The following XRN2 variants were observed in gnomAD, a reference collection of about 807,000 sequenced individuals.
XRN2 encodes the protein DHM1-like protein.
Under a neutral mutation model 138.5 loss-of-function variants are expected in XRN2, and 44 were observed. That is an observed-to-expected ratio of 0.32 (90% CI 0.25 to 0.41). The LOEUF (loss-of-function observed/expected upper bound fraction) is 0.41, where lower values mean the gene tolerates loss of function less well. XRN2 is among the 10% of genes least tolerant of loss of function. The pLI is 1.00. For synonymous variants in XRN2, 354 were observed against 369.4 expected (o/e 0.96, Z 0.48); for missense variants, 937 against 1,169.3 (o/e 0.80, Z 2.90).
intron 1 of XRN2, among the ~76,000 whole-genome samples, chr20:21,304,185 C>T (rs2037782001): frequency 6.6e-6 from 1 of 152,112 alleles, no homozygotes; most frequent in African/African-American, 2.4e-5. Flanking sequence ...GATTTTTGGC[C>T]ATTATTGAGT....
chr20:21,389,376 A>C lies in XRN2; in HGVS notation c.*38A>C, dbSNP rs1309858321. ...CTTTCCCAAATCCTTTCATCATTCT[A>C]CAGTTTTATGCTATTTGTGGAAAGA... is the stretch of plus-strand genomic sequence containing the variant. On this transcript the variant is annotated 3_prime_UTR_variant, in exon 30 of 30. Transcript: ENST00000377191. 1.7e-5 allele frequency: 27 copies of C among 1,578,694 alleles called. No homozygotes were observed. The highest frequency in any genetic ancestry group is 2.2e-5 in the Non-Finnish European group (26 of 1,156,586).
intron 1 of XRN2, among the ~76,000 whole-genome samples, chr20:21,325,285 C>A (rs113426872): frequency 6.6e-6 from 1 of 152,134 alleles, no homozygotes. Context: ...TAATCTCTTG[C>A]TGAGGCTCTG....
rs994996193 is a variant in XRN2 at position 21,363,723 on chromosome 20, T to C, written c.2256-1698T>C. Among the ~76,000 whole-genome samples, 4 of 152,238 alleles carry C rather than the reference T, an allele frequency of 2.6e-5. No individual in the cohort carries two copies. The South Asian group carries it at 6.2e-4, about 24-fold the overall frequency. On this transcript the variant is annotated intron_variant, in intron 24 of 29. Transcript: ENST00000377191. ...TGGCAGTATTCAGAAAGAAAACTGCTGTCTAAAAATGTCAACCAGGTCAAT... is the reference window on the plus strand; with the variant it reads ...TGGCAGTATTCAGAAAGAAAACTGCCGTCTAAAAATGTCAACCAGGTCAAT...
chr20:21,348,053 T>G, intron 17 of XRN2, 93 bp from the exon 18 acceptor site: 1 of 1,012,838 alleles, frequency 9.9e-7, no homozygotes, highest in Non-Finnish European at 1.4e-6. Flanking sequence ...AAGTAGAATA[T>G]TATAGGTTAA....
chr20:21,352,691 T>C (rs778620780), intron 20 of XRN2, among the ~76,000 whole-genome samples: 16 of 152,166 alleles, frequency 1.1e-4, no homozygotes, highest in African/African-American at 3.9e-4. Context: ...TATATAGATA[T>C]ATAGCATAGT....
At chr20:21,332,840 A>C (rs563095891) in intron 9 of XRN2, among the ~76,000 whole-genome samples, 1 of 152,176 alleles carries the variant, frequency 6.6e-6, no homozygotes, top group Admixed American at 6.5e-5. Flanking sequence ...CATAGCTTGT[A>C]ATTTGTTTGT....
intron 13 of XRN2, among the ~76,000 whole-genome samples, chr20:21,337,664 G>C (rs967053475): frequency 6.6e-6 from 1 of 152,182 alleles, no homozygotes; most frequent in Non-Finnish European, 1.5e-5. Flanking sequence ...TCCATTATTG[G>C]AACGATAAGC....
intron 1 of XRN2, among the ~76,000 whole-genome samples, chr20:21,309,549 C>CT (rs977627773): frequency 5.3e-5 from 8 of 151,032 alleles, no homozygotes; most frequent in South Asian, 2.1e-4. Flanking sequence ...CAGACCTTTT[C>CT]TTTTTTTTTC....
chr20:21,319,944 A>G lies in XRN2; in HGVS notation c.76-6335A>G, dbSNP rs1306024228. ...ATACAATTGCTTTTTAATTCAATTA[A>G]GAGAAGAAAGGAGGGAAAATATACT... On this transcript the variant is annotated intron_variant, in intron 1 of 29. Coordinates refer to ENST00000377191, the MANE Select transcript of XRN2 (RefSeq NM_012255.5). Among the ~76,000 whole-genome samples, 5 of 152,216 alleles carry G rather than the reference A, an allele frequency of 3.3e-5. No homozygotes were observed. The East Asian group carries it at 9.6e-4, about 29-fold the overall frequency.
At chr20:21,331,427 AC>A in intron 6 of XRN2, 133 bp from the exon 7 acceptor site, 1 of 710,274 alleles carries the variant, frequency 1.4e-6, no homozygotes, top group Non-Finnish European at 2.4e-6. Flanking sequence ...ACACACACAC[AC>A]ACACACACAC....
intron 1 of XRN2, among the ~76,000 whole-genome samples, chr20:21,308,525 A>G (rs1226598752): frequency 6.6e-6 from 1 of 152,222 alleles, no homozygotes; most frequent in African/African-American, 2.4e-5. Context: ...CACTTGATAT[A>G]GTTAGCCCTT....
intron 16 of XRN2, 108 bp from the exon 17 acceptor site, chr20:21,346,307 A>G (rs2038434367): frequency 3.6e-6 from 5 of 1,407,464 alleles, no homozygotes; most frequent in Non-Finnish European, 2.0e-6. Flanking sequence ...TAACTCTTTC[A>G]CATTTCCCCT....
chr20:21,381,358 C>A (rs961378012), intron 27 of XRN2, among the ~76,000 whole-genome samples: 1 of 152,052 alleles, frequency 6.6e-6, no homozygotes, highest in Non-Finnish European at 1.5e-5. Flanking sequence ...ATCCTATATC[C>A]GTCAGTTTAT....
chr20:21,309,394 T>C lies in XRN2; in HGVS notation c.75+5921T>C, dbSNP rs542297857. On this transcript the variant is annotated intron_variant, in intron 1 of 29. Transcript: ENST00000377191. ...TTATTTTTTGGATGAGCTTTTTTAG[T>C]TTGTATCTTTCACAGATTTTGCCCA... Among the ~76,000 whole-genome samples, 17 of 152,332 alleles carry C rather than the reference T, an allele frequency of 1.1e-4. 1 individual carries two copies. The highest frequency in any genetic ancestry group is 3.8e-4 in the African/African-American group (16 of 41,576).
chr20:21,317,085 C>T (rs938430999), intron 1 of XRN2, among the ~76,000 whole-genome samples: 1 of 151,984 alleles, frequency 6.6e-6, no homozygotes, highest in Non-Finnish European at 1.5e-5. Flanking sequence ...AATATCAATA[C>T]CTTTTCCTTT....
chr20:21,377,654 C>G (rs939844855), intron 27 of XRN2, among the ~76,000 whole-genome samples: 3 of 151,738 alleles, frequency 2.0e-5, no homozygotes, highest in Non-Finnish European at 4.4e-5. Context: ...TGTGTAGAAC[C>G]AGTCTTCACC....
At chr20:21,328,526 A>T (rs1489681464) in intron 3 of XRN2, 33 bp from the exon 4 acceptor site, 2 of 1,575,580 alleles carry the variant, frequency 1.3e-6, no homozygotes, top group South Asian at 1.1e-5. Flanking sequence ...GAATATTTTG[A>T]TGAGTGTTAT....
chr20:21,356,683 T>C lies in XRN2; in HGVS notation c.2198+18T>C. 1 of 1,606,854 alleles carries C rather than the reference T, an allele frequency of 6.2e-7. No homozygotes were observed. The highest frequency in any genetic ancestry group is 8.5e-7 in the Non-Finnish European group (1 of 1,174,698). On this transcript the variant is annotated intron_variant, in intron 23 of 29. Coordinates refer to ENST00000377191, the MANE Select transcript of XRN2 (RefSeq NM_012255.5). Reference sequence around the variant, plus strand: ...CCAGATCAGTAAGTTTCATTTTGTATATAATTGAGGTGACTGGAAGGAAGT... The same window carrying C: ...CCAGATCAGTAAGTTTCATTTTGTACATAATTGAGGTGACTGGAAGGAAGT...
At chr20:21,386,562 T>TG (rs2038938414) in intron 28 of XRN2, among the ~76,000 whole-genome samples, 1 of 152,240 alleles carries the variant, frequency 6.6e-6, no homozygotes, top group Non-Finnish European at 1.5e-5. Context: ...TTGGTGATCT[T>TG]GGGTCTACAT....
Sources: allele counts gnomAD v4.1 joint callset (sites outside exome capture counted in the v4.1 genomes callset), GRCh38; gene constraint gnomAD v4.1.1; transcripts MANE v1.5; gene names NCBI Gene and HGNC (gene_info 2026-07-23, HGNC 2026-07-21).